CNTLN: variants seen among roughly 807,000 people sequenced by gnomAD.
CNTLN encodes the protein centlein, centrosomal protein.
CNTLN carries 212 observed loss-of-function variants against 180.0 expected under a neutral mutation model. The observed-to-expected ratio is 1.18, with a 90% CI of 1.05 to 1.32. CNTLN has a LOEUF of 1.32. Ranked by LOEUF, CNTLN falls within the 40% of genes most tolerant of loss-of-function variation. The pLI is 0.00. For missense variants in CNTLN, 2,095 were observed against 1,610.9 expected, an observed-to-expected ratio of 1.30 and a Z score of -5.14; for synonymous variants, 722 against 563.1, an observed-to-expected ratio of 1.28 and a Z score of -3.99.
At chr9:17,186,309 C>G (rs1001419967) in intron 2 of CNTLN, among the ~76,000 whole-genome samples, 1 of 152,042 alleles carries the variant, frequency 6.6e-6, no homozygotes, top group African/African-American at 2.4e-5. Context: ...GAGTTGGTCT[C>G]AGCATGTCTC....
rs530661967 is a variant in CNTLN at position 17,178,004 on chromosome 9, A to C, written c.449+34628A>C. ...CACAAAAGTTCTCCACATCCCCACTAGATTAGCTAGATATAGAGTGTTGAT... is the reference window on the plus strand; with the variant it reads ...CACAAAAGTTCTCCACATCCCCACTCGATTAGCTAGATATAGAGTGTTGAT... On this transcript the variant is annotated intron_variant, in intron 2 of 25. Coordinates refer to ENST00000380647, the MANE Select transcript of CNTLN (RefSeq NM_017738.4). 5.3e-4 allele frequency among the ~76,000 whole-genome samples: 81 copies of C among 151,834 alleles called. 1 individual carries two copies. Among genetic ancestry groups the C allele is most frequent in the South Asian group, 1.0e-3 (5 of 4,820 alleles).
intron 6 of CNTLN, among the ~76,000 whole-genome samples, chr9:17,293,181 C>T (rs1398104253): frequency 6.6e-6 from 1 of 152,214 alleles, no homozygotes; most frequent in Non-Finnish European, 1.5e-5. Context: ...GGGCACCAAC[C>T]TGATGCCAAC....
chr9:17,311,606 G>A (rs921095816), intron 8 of CNTLN, among the ~76,000 whole-genome samples: 2 of 151,752 alleles, frequency 1.3e-5, no homozygotes, highest in African/African-American at 4.8e-5. Context: ...TCAAGAGTTA[G>A]AGACCATCCG....
At chr9:17,346,843 C>G (rs1821940059) in intron 12 of CNTLN, among the ~76,000 whole-genome samples, 2 of 152,170 alleles carry the variant, frequency 1.3e-5, no homozygotes, top group Non-Finnish European at 2.9e-5. Context: ...CAGTTCTAAT[C>G]ACATGAATGC....
At chr9:17,142,209 C>A (rs1818155344) in intron 1 of CNTLN, among the ~76,000 whole-genome samples, 1 of 151,926 alleles carries the variant, frequency 6.6e-6, no homozygotes, top group African/African-American at 2.4e-5. Flanking sequence ...TGCGGCCTAA[C>A]ACAAATTCTT....
intron 2 of CNTLN, among the ~76,000 whole-genome samples, chr9:17,164,994 C>A (rs1299300704): frequency 6.6e-6 from 1 of 151,412 alleles, no homozygotes; most frequent in African/African-American, 2.4e-5. Context: ...TGCCATGATG[C>A]CCGGCTAATT....
chr9:17,261,653 C>T (rs1016863666), intron 5 of CNTLN, among the ~76,000 whole-genome samples: 2 of 151,292 alleles, frequency 1.3e-5, no homozygotes, highest in African/African-American at 4.9e-5. Context: ...ATTTGTATGT[C>T]ATTTATTTTT....
chr9:17,163,892 A>T (rs778570865), intron 2 of CNTLN, among the ~76,000 whole-genome samples: 12 of 151,600 alleles, frequency 7.9e-5, no homozygotes, highest in Non-Finnish European at 1.8e-4. Flanking sequence ...GGTGGTGCAC[A>T]TCTATAGTTT....
chr9:17,419,054 A>C (rs1055257719), intron 18 of CNTLN, among the ~76,000 whole-genome samples: 4 of 152,142 alleles, frequency 2.6e-5, no homozygotes, highest in Non-Finnish European at 5.9e-5. Context: ...GAAAATTTTA[A>C]CCAAGATAAT....
intron 24 of CNTLN, among the ~76,000 whole-genome samples, chr9:17,485,440 TC>T (rs1368902637): frequency 6.6e-6 from 1 of 152,160 alleles, no homozygotes; most frequent in Non-Finnish European, 1.5e-5. Context: ...GTTTCTGTTT[TC>T]AGCAGCTATG....
intron 1 of CNTLN, among the ~76,000 whole-genome samples, chr9:17,138,782 T>C (rs935186053): frequency 4.6e-5 from 7 of 152,178 alleles, no homozygotes; most frequent in Admixed American, 1.3e-4. Context: ...TAGAGGTCAA[T>C]TGAGGGCTTA....
At chr9:17,148,882 T>G (rs996423088) in intron 2 of CNTLN, among the ~76,000 whole-genome samples, 1 of 152,178 alleles carries the variant, frequency 6.6e-6, no homozygotes, top group Non-Finnish European at 1.5e-5. Flanking sequence ...CAGTTTGTTA[T>G]GTAGGTATAC....
intron 12 of CNTLN, among the ~76,000 whole-genome samples, chr9:17,347,583 C>T (rs1358330921): frequency 2.0e-5 from 3 of 150,948 alleles, no homozygotes; most frequent in East Asian, 2.0e-4. Context: ...GCAGGAGAAT[C>T]GCTTGAACCC....
At chr9:17,471,440 T>C (rs1832039133) in intron 23 of CNTLN, among the ~76,000 whole-genome samples, 1 of 152,052 alleles carries the variant, frequency 6.6e-6, no homozygotes, top group Admixed American at 6.6e-5. Flanking sequence ...TAAAGTAAAT[T>C]GATATGTATG....
intron 23 of CNTLN, among the ~76,000 whole-genome samples, chr9:17,469,186 T>G (rs1409001486): frequency 6.6e-6 from 1 of 151,826 alleles, no homozygotes; most frequent in Non-Finnish European, 1.5e-5. Flanking sequence ...TTATTATACA[T>G]AATAAAGTTT....
At chr9:17,386,904 C>T (rs1238329245) in intron 13 of CNTLN, among the ~76,000 whole-genome samples, 1 of 152,174 alleles carries the variant, frequency 6.6e-6, no homozygotes, top group African/African-American at 2.4e-5. Flanking sequence ...TATTTCTATA[C>T]TGCTGAAAGA....
intron 1 of CNTLN, among the ~76,000 whole-genome samples, chr9:17,138,256 T>TGTTA (rs1028290210): frequency 6.6e-6 from 1 of 152,196 alleles, no homozygotes; most frequent in African/African-American, 2.4e-5. Flanking sequence ...GAGAAAAAAG[T>TGTTA]GTTATGTTTA....
At chr9:17,196,361 CT>C (rs1822131307) in intron 2 of CNTLN, among the ~76,000 whole-genome samples, 1 of 152,130 alleles carries the variant, frequency 6.6e-6, no homozygotes, top group Admixed American at 6.5e-5. Context: ...TTCTGATTTC[CT>C]TATTCTTTAG....
intron 13 of CNTLN, among the ~76,000 whole-genome samples, chr9:17,381,910 C>T (rs1422400185): frequency 6.6e-6 from 1 of 152,116 alleles, no homozygotes; most frequent in Non-Finnish European, 1.5e-5. Flanking sequence ...AAGGGGTGAT[C>T]AGAAGCATAC....
Sources: allele counts gnomAD v4.1 joint callset (sites outside exome capture counted in the v4.1 genomes callset), GRCh38; gene constraint gnomAD v4.1.1; transcripts MANE v1.5; gene names NCBI Gene and HGNC (gene_info 2026-07-23, HGNC 2026-07-21).